CDH4: variants seen among roughly 807,000 people sequenced by gnomAD.
CDH4 encodes cadherin 4.
In CDH4, 33 loss-of-function variants were observed where a neutral mutation model predicts 86.0. The ratio of observed to expected loss-of-function variants is 0.38; its 90% CI spans 0.29 to 0.51. The LOEUF (loss-of-function observed/expected upper bound fraction) is 0.51. CDH4 is among the 20% of genes least tolerant of loss of function. The pLI is 0.86. For missense variants in CDH4, 1,114 were observed against 1,307.4 expected, an observed-to-expected ratio of 0.85 and a Z score of 2.28; for synonymous variants, 555 against 549.4, an observed-to-expected ratio of 1.01 and a Z score of -0.14.
chr20:61,524,140 C>T (rs576135040), intron 2 of CDH4, among the ~76,000 whole-genome samples: 14 of 152,268 alleles, frequency 9.2e-5, no homozygotes, highest in Non-Finnish European at 1.5e-4. Context: ...ACTAAAATCC[C>T]GAGCTTGCTG....
intron 2 of CDH4, among the ~76,000 whole-genome samples, chr20:61,590,878 G>A (rs75775403): frequency 1.7e-5 from 1 of 59,884 alleles, no homozygotes; most frequent in Non-Finnish European, 3.5e-5. Context: ...TAAATCTATG[G>A]GGGGGGGGGT....
intron 2 of CDH4, among the ~76,000 whole-genome samples, chr20:61,553,622 G>C (rs758861371): frequency 3.9e-5 from 6 of 152,152 alleles, no homozygotes; most frequent in Non-Finnish European, 7.4e-5. Flanking sequence ...GATGTAGTGT[G>C]GTAGATTTCC....
intron 2 of CDH4, among the ~76,000 whole-genome samples, chr20:61,261,844 G>C (rs2084129073): frequency 6.6e-6 from 1 of 152,212 alleles, no homozygotes; most frequent in Non-Finnish European, 1.5e-5. Context: ...AGGCTCAACT[G>C]AAGTGGGTCT....
chr20:61,565,264 TG>T (rs2086274879), intron 2 of CDH4, among the ~76,000 whole-genome samples: 1 of 96,214 alleles, frequency 1.0e-5, no homozygotes. Flanking sequence ...GTGATGGTGG[TG>T]GTGGTCCTCT....
At chr20:61,908,170 AT>A (rs1001851135) in intron 8 of CDH4, among the ~76,000 whole-genome samples, 11 of 152,010 alleles carry the variant, frequency 7.2e-5, no homozygotes, top group Non-Finnish European at 1.5e-4. Flanking sequence ...AAATTGGAAT[AT>A]TTTTCCATCC....
chr20:61,333,516 G>C (rs2084597548), intron 2 of CDH4, among the ~76,000 whole-genome samples: 1 of 152,156 alleles, frequency 6.6e-6, no homozygotes, highest in Non-Finnish European at 1.5e-5. Context: ...GTTCCAGGAG[G>C]GGTGACTGCA....
intron 2 of CDH4, among the ~76,000 whole-genome samples, chr20:61,394,451 C>T (rs573506794): frequency 1.2e-4 from 19 of 152,148 alleles, no homozygotes; most frequent in Non-Finnish European, 2.6e-4. Flanking sequence ...ATGTGTATTT[C>T]TTAAACTCTT....
intron 4 of CDH4, among the ~76,000 whole-genome samples, chr20:61,835,482 C>T (rs1300696226): frequency 5.9e-5 from 9 of 152,224 alleles, no homozygotes; most frequent in Non-Finnish European, 1.2e-4. Flanking sequence ...CACCCAGCCC[C>T]TGCCATCATG....
At chr20:61,396,767 C>G (rs567922884) in intron 2 of CDH4, among the ~76,000 whole-genome samples, 1 of 152,312 alleles carries the variant, frequency 6.6e-6, no homozygotes, top group South Asian at 2.1e-4. Context: ...GCCATAGGCA[C>G]AGTGACCCAT....
At chr20:61,535,369 G>A (rs997868183) in intron 2 of CDH4, among the ~76,000 whole-genome samples, 4 of 152,194 alleles carry the variant, frequency 2.6e-5, no homozygotes, top group Admixed American at 6.5e-5. Flanking sequence ...TCGTGGGCAC[G>A]GATCCCATCC....
intron 3 of CDH4, among the ~76,000 whole-genome samples, chr20:61,763,835 A>C (rs2088667592): frequency 6.6e-6 from 1 of 152,186 alleles, no homozygotes; most frequent in Admixed American, 6.5e-5. Context: ...CGTGGATTCG[A>C]GAATAAAAAA....
At chr20:61,621,472 G>T (rs1164148513) in intron 2 of CDH4, among the ~76,000 whole-genome samples, 2 of 152,158 alleles carry the variant, frequency 1.3e-5, no homozygotes, top group African/African-American at 4.8e-5. Context: ...AGAATTTTTT[G>T]GATAGGTTAA....
chr20:61,407,147 G>A (rs1046885325), intron 2 of CDH4, among the ~76,000 whole-genome samples: 19 of 152,220 alleles, frequency 1.2e-4, no homozygotes, highest in Non-Finnish European at 2.9e-5. Flanking sequence ...TTGCTGTGAG[G>A]TCCCTGTGAA....
chr20:61,257,727 C>G (rs2084106666), intron 2 of CDH4, among the ~76,000 whole-genome samples: 1 of 152,230 alleles, frequency 6.6e-6, no homozygotes, highest in South Asian at 2.1e-4. Flanking sequence ...GATGGCTAAG[C>G]TGGTATCTTT....
intron 2 of CDH4, among the ~76,000 whole-genome samples, chr20:61,301,956 A>C (rs894184072): frequency 6.6e-6 from 1 of 152,266 alleles, no homozygotes; most frequent in Non-Finnish European, 1.5e-5. Flanking sequence ...CTTTTACGCC[A>C]TACTTCCGTT....
In CDH4 at chr20:61,743,609, C is replaced by A; in HGVS notation, c.216C>A (p.Thr72=). 1 of 1,582,788 alleles carries A rather than the reference C, an allele frequency of 6.3e-7. No individual in the cohort carries two copies. Among genetic ancestry groups the A allele is most frequent in the South Asian group, 1.2e-5 (1 of 86,626 alleles). The part of the protein sequence containing the change: ...CVGTKGTQYE[T]NSMDFKVGAD... ...GGACCAAGGGGACACAATATGAGAC[C>A]AACAGCATGGACTTCAAAGTTGGGG... Residue 72 remains threonine (T), a synonymous_variant, in exon 3 of 16, where the codon ACC becomes ACA. Coordinates refer to ENST00000614565, the MANE Select transcript of CDH4 (RefSeq NM_001794.5).
intron 2 of CDH4, among the ~76,000 whole-genome samples, chr20:61,395,599 G>A (rs1452496227): frequency 1.3e-5 from 2 of 152,038 alleles, no homozygotes; most frequent in African/African-American, 4.8e-5. Context: ...GGGCAACATG[G>A]TGAGACCCCA....
intron 7 of CDH4, among the ~76,000 whole-genome samples, chr20:61,880,060 AGTGATAACGTG>A (rs1229099321): frequency 6.6e-6 from 1 of 152,206 alleles, no homozygotes; most frequent in Non-Finnish European, 1.5e-5. Context: ...ATGGATGGAG[AGTGATAACGTG>A]GCTCTGTTCT....
chr20:61,349,701 A>T (rs1935431937), intron 2 of CDH4, among the ~76,000 whole-genome samples: 1 of 152,178 alleles, frequency 6.6e-6, no homozygotes, highest in Non-Finnish European at 1.5e-5. Flanking sequence ...CCCTTGTGTT[A>T]TAAAGAATCA....
Sources: gnomAD v4.1 joint callset for allele counts (sites outside exome capture counted in the v4.1 genomes callset) on GRCh38, gnomAD v4.1.1 for gene constraint, MANE v1.5 for transcripts, NCBI Gene and HGNC (gene_info 2026-07-23, HGNC 2026-07-21) for gene names.